SPOCK1: variants seen among roughly 807,000 people sequenced by gnomAD.
SPOCK1 encodes the protein testican-1.
A neutral mutation model predicts 55.3 loss-of-function variants in SPOCK1; 23 were observed. The ratio of observed to expected loss-of-function variants is 0.42; its 90% confidence interval spans 0.30 to 0.59. The LOEUF (loss-of-function observed/expected upper bound fraction) is 0.59, where lower values mean the gene tolerates loss of function less well. SPOCK1 is among the 20% of genes least tolerant of loss of function. SPOCK1 has a pLI of 0.22. For missense variants in SPOCK1, 499 were observed against 552.5 expected, an observed-to-expected ratio of 0.90 and a Z score of 0.97; for synonymous variants, 226 against 221.0, an observed-to-expected ratio of 1.02 and a Z score of -0.20.
chr5:137,498,490 G>A lies in SPOCK1; in HGVS notation c.69C>T (p.His23=), dbSNP rs752329481. The part of the protein sequence containing the change: ...AWCFLQVESR[H]LDALAGGAGP... ...CCGCGCCTCCGGCGAGCGCGTCCAG[G>A]TGCCGGCTCTCGACTTGGAGGAAGC... Residue 23 remains histidine (H), a synonymous_variant, in exon 2 of 11, where the codon CAC becomes CAT. Transcript: ENST00000394945. The A allele has an allele frequency of 2.5e-6, 4 of 1,593,732 alleles. No individual in the cohort carries two copies. Among genetic ancestry groups the A allele is most frequent in the African/African-American group, 1.3e-5 (1 of 74,504 alleles).
chr5:137,160,630 A>ATT (rs1754531682), intron 3 of SPOCK1, among the ~76,000 whole-genome samples: 4 of 91,026 alleles, frequency 4.4e-5, no homozygotes, highest in Admixed American at 3.6e-4. Context: ...TATTTTATAT[A>ATT]ATATATAATA....
At chr5:137,191,352 C>A (rs1265911782) in intron 3 of SPOCK1, among the ~76,000 whole-genome samples, 3 of 151,328 alleles carry the variant, frequency 2.0e-5, no homozygotes, top group Non-Finnish European at 4.4e-5. Flanking sequence ...TTTTCATAAT[C>A]TTTGCTAAGC....
chr5:137,246,780 G>A (rs892617), intron 3 of SPOCK1, among the ~76,000 whole-genome samples: 2 of 152,072 alleles, frequency 1.3e-5, no homozygotes, highest in Non-Finnish European at 2.9e-5. Flanking sequence ...ACATGTGGCC[G>A]TGGCACATGA....
At chr5:137,045,117 T>G (rs569228900) in intron 6 of SPOCK1, among the ~76,000 whole-genome samples, 20 of 151,348 alleles carry the variant, frequency 1.3e-4, no homozygotes, top group African/African-American at 2.4e-4. Flanking sequence ...TGTGCATGTG[T>G]CTTTATAGCA....
intron 4 of SPOCK1, among the ~76,000 whole-genome samples, chr5:137,128,157 G>GA (rs1181551417): frequency 6.6e-6 from 1 of 152,182 alleles, no homozygotes; most frequent in Non-Finnish European, 1.5e-5. Flanking sequence ...TCTGCCATGT[G>GA]AAAACACAGC....
intron 6 of SPOCK1, among the ~76,000 whole-genome samples, chr5:137,062,993 G>C (rs1372232902): frequency 6.6e-6 from 1 of 151,630 alleles, no homozygotes; most frequent in Non-Finnish European, 1.5e-5. Context: ...CCAGCACTTT[G>C]GGAGGCCGAG....
chr5:137,284,323 G>C (rs1426170474), intron 2 of SPOCK1, among the ~76,000 whole-genome samples: 7 of 152,200 alleles, frequency 4.6e-5, no homozygotes, highest in Non-Finnish European at 8.8e-5. Context: ...CATACAACCA[G>C]CAGGGACTCA....
rs564621615 is a variant in SPOCK1 at position 137,016,687 on chromosome 5, G to A, written c.590-24087C>T. ...ACGGGGTATATTTTTCTAGACTTCCGGAAGGAAACAAACAACCCAACTTAG... is the reference window on the plus strand; with the variant it reads ...ACGGGGTATATTTTTCTAGACTTCCAGAAGGAAACAAACAACCCAACTTAG... On this transcript the variant is annotated intron_variant, in intron 6 of 10. Transcript: ENST00000394945. Among the ~76,000 whole-genome samples the A allele has an allele frequency of 1.2e-4, 18 of 152,256 alleles. No individual in the cohort carries two copies. The South Asian group carries it at 1.7e-3, about 14-fold the overall frequency.
chr5:137,305,201 C>A (rs1401403662), intron 2 of SPOCK1, among the ~76,000 whole-genome samples: 1 of 152,174 alleles, frequency 6.6e-6, no homozygotes, highest in Non-Finnish European at 1.5e-5. Flanking sequence ...ACATAATGAC[C>A]CACCAAACTC....
intron 6 of SPOCK1, among the ~76,000 whole-genome samples, chr5:137,035,636 G>A (rs1751869689): frequency 6.6e-6 from 1 of 152,162 alleles, no homozygotes; most frequent in Admixed American, 6.5e-5. Flanking sequence ...GAAGAAGCAT[G>A]ATCCTGAGGT....
At chr5:137,474,580 G>C (rs1333279498) in intron 2 of SPOCK1, among the ~76,000 whole-genome samples, 1 of 152,188 alleles carries the variant, frequency 6.6e-6, no homozygotes, top group Non-Finnish European at 1.5e-5. Context: ...GAAGGAACCA[G>C]GATTCTTTGG....
At chr5:137,228,866 G>A (rs935300330) in intron 3 of SPOCK1, among the ~76,000 whole-genome samples, 3 of 152,092 alleles carry the variant, frequency 2.0e-5, no homozygotes, top group East Asian at 3.8e-4. Flanking sequence ...GATTTACCTC[G>A]GAGCAATGTC....
intron 3 of SPOCK1, among the ~76,000 whole-genome samples, chr5:137,173,315 C>G (rs1352895841): frequency 1.3e-5 from 2 of 152,252 alleles, no homozygotes; most frequent in African/African-American, 4.8e-5. Context: ...TTCAGCAGGG[C>G]CCTCAGATTC....
At chr5:137,491,219 G>A (rs185391656) in intron 2 of SPOCK1, among the ~76,000 whole-genome samples, 10 of 152,280 alleles carry the variant, frequency 6.6e-5, no homozygotes, top group Non-Finnish European at 1.3e-4. Context: ...CAGGTTAATA[G>A]TGGGCACTTA....
At chr5:137,351,801 G>A (rs1003912183) in intron 2 of SPOCK1, among the ~76,000 whole-genome samples, 1 of 152,188 alleles carries the variant, frequency 6.6e-6, no homozygotes, top group Non-Finnish European at 1.5e-5. Flanking sequence ...TTGTCATATA[G>A]ATCAGAATAG....
chr5:137,239,431 C>A (rs764839035), intron 3 of SPOCK1, among the ~76,000 whole-genome samples: 2 of 152,104 alleles, frequency 1.3e-5, no homozygotes, highest in Non-Finnish European at 2.9e-5. Context: ...TACCTGGCAC[C>A]GTGACCCATT....
At chr5:137,367,635 T>C (rs1319821076) in intron 2 of SPOCK1, among the ~76,000 whole-genome samples, 1 of 152,148 alleles carries the variant, frequency 6.6e-6, no homozygotes, top group Non-Finnish European at 1.5e-5. Flanking sequence ...TTGAGCCCCT[T>C]CTAGCTCCCT....
intron 9 of SPOCK1, among the ~76,000 whole-genome samples, chr5:136,981,082 C>T (rs2044984495): frequency 1.3e-5 from 2 of 152,256 alleles, no homozygotes; most frequent in African/African-American, 4.8e-5. Context: ...GCAGCAGTGG[C>T]ACCACATGGA....
chr5:136,989,448 A>T (rs1343442053), intron 7 of SPOCK1, among the ~76,000 whole-genome samples: 1 of 152,220 alleles, frequency 6.6e-6, no homozygotes, highest in East Asian at 1.9e-4. Flanking sequence ...TATTCCATAA[A>T]CTGGATTTCT....
Sources: gnomAD v4.1 joint callset for allele counts (sites outside exome capture counted in the v4.1 genomes callset) on GRCh38, gnomAD v4.1.1 for gene constraint, MANE v1.5 for transcripts, NCBI Gene and HGNC (gene_info 2026-07-23, HGNC 2026-07-21) for gene names.